GPR107: variants seen among roughly 807,000 people sequenced by gnomAD.
The protein encoded by GPR107 is G protein-coupled receptor 107, also known as protein GPR107.
Under a neutral mutation model 75.5 loss-of-function variants are expected in GPR107, and 31 were observed. The ratio of observed to expected loss-of-function variants is 0.41; its 90% CI spans 0.31 to 0.55. GPR107 has a LOEUF of 0.55. Ranked by LOEUF, GPR107 falls within the 20% of genes least tolerant of loss-of-function variation. GPR107 has a pLI of 0.26. For missense variants in GPR107, 572 were observed against 665.7 expected (o/e 0.86, Z 1.55); for synonymous variants, 267 against 251.3 (o/e 1.06, Z -0.59).
At chr9:130,099,825 AT>A (rs1385548055) in intron 10 of GPR107, among the ~76,000 whole-genome samples, 1 of 112,014 alleles carries the variant, frequency 8.9e-6, no homozygotes, top group Admixed American at 9.1e-5. Context: ...TTTTTTTACC[AT>A]TTCTAGAGAT....
At chr9:130,132,850 C>A (rs1554899370) in intron 17 of GPR107, 1 of 150,424 alleles carries the variant, frequency 6.6e-6, no homozygotes, top group African/African-American at 2.4e-5. Context: ...TACACATATA[C>A]AATCCACACA....
intron 1 of GPR107, among the ~76,000 whole-genome samples, chr9:130,071,449 G>A (rs1350343305): frequency 6.6e-6 from 1 of 151,932 alleles, no homozygotes; most frequent in Non-Finnish European, 1.5e-5. Flanking sequence ...ATCAGATCTA[G>A]TTTGAAGCCC....
At chr9:130,123,750 T>A (rs1831607834) in intron 14 of GPR107, among the ~76,000 whole-genome samples, 1 of 151,948 alleles carries the variant, frequency 6.6e-6, no homozygotes, top group African/African-American at 2.4e-5. Context: ...CCATCTTGGC[T>A]TCCCAAAGTG....
chr9:130,124,950 C>T lies in GPR107; in HGVS notation c.1342C>T (p.His448Tyr). Residue 448 changes from histidine (H) to tyrosine (Y), a missense_variant, in exon 15 of 18, where the codon CAT (histidine) becomes TAT (tyrosine). Coordinates refer to ENST00000347136, the MANE Select transcript of GPR107 (RefSeq NM_020960.5). ...INLAKLKLFR[H>Y]YYVLIVCYIY... is the part of the protein sequence containing the mutation. ...CTTAGCAAAGCTGAAACTTTTCAGACATTATTACGTCTTGGTAAGTAAAAA... is the reference window on the plus strand; with the variant it reads ...CTTAGCAAAGCTGAAACTTTTCAGATATTATTACGTCTTGGTAAGTAAAAA... 2 of 1,490,382 alleles carry T rather than the reference C, an allele frequency of 1.3e-6. No homozygotes were observed. The highest frequency in any genetic ancestry group is 1.5e-5 in the African/African-American group (1 of 66,226). 92.3% of individuals were successfully genotyped at this position (1,490,382 alleles called of 1,614,324 possible).
rs368600787 is a variant in GPR107 at position 130,090,952 on chromosome 9, T to G, written c.698T>G (p.Leu233Trp). 3.3e-6 allele frequency: 5 copies of G among 1,528,998 alleles called. No homozygotes were observed. The African/African-American group carries it at 6.8e-5, about 21-fold the overall frequency. The allele number at this position is 1,528,998 out of a possible 1,614,324, so 94.7% of individuals were successfully genotyped here. ...TTTCATAAATGCCTTGGAAAAGAAT[T>G]GCCAAGTGACAAGTTTACATTCAGC... Reference protein sequence around the residue: ...LYFHKCLGKELPSDKFTFSLD... With the variant: ...LYFHKCLGKEWPSDKFTFSLD... Residue 233 changes from leucine to tryptophan, a missense_variant, in exon 8 of 18, where the codon TTG (leucine) becomes TGG (tryptophan). By Grantham distance (61) the Leu-to-Trp change is moderately conservative. Transcript: ENST00000347136.
At position 130,128,536 on chromosome 9, in the gene GPR107, G is replaced by A. The variant is rs550934903; in HGVS notation, c.1441-104G>A. 8 of 937,228 alleles carry A rather than the reference G, an allele frequency of 8.5e-6. No homozygotes were observed. In the East Asian group the frequency reaches 9.6e-5, roughly 11 times the overall value. The allele number at this position is 937,228 out of a possible 1,614,324, so 58.1% of individuals were successfully genotyped here. A position where few individuals can be genotyped will look rare whatever the true frequency, so the allele number is the denominator to read the frequency against. On this transcript the variant is annotated intron_variant, in intron 16 of 17. Transcript: ENST00000347136. ...AGTGGCATCTGAGTAAAGAACCATC[G>A]AGTGGTGGGTTGTGGGGAAATATGT...
At chr9:130,062,449 T>TAATAAG (rs1829950098) in intron 1 of GPR107, among the ~76,000 whole-genome samples, 4 of 148,858 alleles carry the variant, frequency 2.7e-5, no homozygotes, top group Non-Finnish European at 5.9e-5. Context: ...ATAATAATAA[T>TAATAAG]AATAATAATA....
chr9:130,083,007 A>G (rs1240712825), intron 5 of GPR107, among the ~76,000 whole-genome samples: 2 of 151,722 alleles, frequency 1.3e-5, no homozygotes, highest in East Asian at 1.9e-4. Flanking sequence ...TGCAGCCTAC[A>G]CCTTTTGGGT....
intron 1 of GPR107, among the ~76,000 whole-genome samples, chr9:130,056,936 A>AAAAG (rs1829805589): frequency 6.9e-6 from 1 of 144,236 alleles, no homozygotes; most frequent in African/African-American, 2.6e-5. Flanking sequence ...AAAAAAAAAA[A>AAAAG]AAAAAAAAAA....
rs116315761 is a variant in GPR107, at chr9:130,118,956, A to G, written c.1307-5959A>G. Among the ~76,000 whole-genome samples, 1,241 of 152,124 alleles carry G rather than the reference A, an allele frequency of 8.2e-3. 26 individuals are homozygous for G. Among genetic ancestry groups the G allele is most frequent in the African/African-American group, 0.029 (1,187 of 41,500 alleles). Reference sequence around the variant, plus strand: ...CCTGGGGCCTTGTCTCTCTCCCCACACTCATTCTTTCACCGTATTTGCTGC... The same window carrying G: ...CCTGGGGCCTTGTCTCTCTCCCCACGCTCATTCTTTCACCGTATTTGCTGC... On this transcript the variant is annotated intron_variant, in intron 14 of 17. Transcript: ENST00000347136.
At chr9:130,118,872 AG>A (rs1207332324) in intron 14 of GPR107, among the ~76,000 whole-genome samples, 8 of 152,228 alleles carry the variant, frequency 5.3e-5, no homozygotes, top group African/African-American at 1.9e-4. Context: ...CAGCAGGCCA[AG>A]GGCAGGCACA....
intron 9 of GPR107, among the ~76,000 whole-genome samples, chr9:130,093,574 A>G (rs1830791806): frequency 6.6e-6 from 1 of 152,096 alleles, no homozygotes. Context: ...AGTTGCTGGT[A>G]CCTATTTGTT....
intron 14 of GPR107, among the ~76,000 whole-genome samples, chr9:130,120,053 G>A (rs577109489): frequency 6.6e-6 from 1 of 152,126 alleles, no homozygotes; most frequent in East Asian, 1.9e-4. Context: ...CTCTCCCTCC[G>A]GGGCTCAGCC....
At chr9:130,132,797 TAAA>T (rs1197993013) in intron 17 of GPR107, among the ~76,000 whole-genome samples, 8 of 134,248 alleles carry the variant, frequency 6.0e-5, no homozygotes, top group African/African-American at 8.3e-5. Context: ...AAAAATCAAA[TAAA>T]AAAAAAATAT....
intron 13 of GPR107, among the ~76,000 whole-genome samples, chr9:130,107,048 C>T (rs921788546): frequency 7.2e-5 from 11 of 152,156 alleles, no homozygotes; most frequent in East Asian, 3.9e-4. Flanking sequence ...AATCTCCACT[C>T]GATAAGTTTG....
intron 14 of GPR107, among the ~76,000 whole-genome samples, chr9:130,120,557 C>T (rs1831523987): frequency 1.3e-5 from 2 of 152,242 alleles, no homozygotes; most frequent in South Asian, 4.1e-4. Flanking sequence ...TCTTCAACTT[C>T]ATTGCCTTGT....
chr9:130,079,654 A>G lies in GPR107; in HGVS notation c.411A>G (p.Glu137=). Residue 137 remains glutamate (E), a synonymous_variant, in exon 5 of 18, where the codon GAA becomes GAG. Coordinates refer to ENST00000347136, the MANE Select transcript of GPR107 (RefSeq NM_020960.5). The stretch of plus-strand genomic sequence containing the variant: ...GGGTAAGAGTAAAGTCTCCACCAGA[A>G]GCTGGTACCCAGTTACCAAAGATCA... ...RSEVRVKSPP[E]AGTQLPKIIF... is the part of the protein sequence containing the mutation. 6.2e-7 allele frequency: 1 copy of G among 1,613,198 alleles called. No individual in the cohort carries two copies. Among genetic ancestry groups the G allele is most frequent in the Non-Finnish European group, 8.5e-7 (1 of 1,179,204 alleles).
chr9:130,084,446 G>A (rs193170249), intron 6 of GPR107, among the ~76,000 whole-genome samples: 1 of 147,722 alleles, frequency 6.8e-6, no homozygotes, highest in Admixed American at 6.7e-5. Context: ...CTCCTATTTT[G>A]GGGGAGAGCA....
chr9:130,134,657 A>C (rs1831905565), intron 17 of GPR107, among the ~76,000 whole-genome samples: 4 of 152,360 alleles, frequency 2.6e-5, no homozygotes, highest in African/African-American at 9.6e-5. Flanking sequence ...GTCCATTAAG[A>C]GTCAGATTTC....
Sources: gnomAD v4.1 joint callset for allele counts (sites outside exome capture counted in the v4.1 genomes callset) on GRCh38, gnomAD v4.1.1 for gene constraint, MANE v1.5 for transcripts, NCBI Gene and HGNC (gene_info 2026-07-23, HGNC 2026-07-21) for gene names.